Variants in CPB2 observed in about 807,000 individuals in gnomAD.
CPB2 encodes the protein carboxypeptidase B2, also known as carboxypeptidase B-like protein.
CPB2 carries 54 observed loss-of-function variants against 57.0 expected under a neutral mutation model. The observed-to-expected ratio is 0.95, with a 90% CI of 0.76 to 1.19. The LOEUF is 1.19. Ranked by LOEUF, CPB2 falls within the 50% of genes most tolerant of loss-of-function variation. The probability of loss-of-function intolerance (pLI) is 0.00; values close to 1 mark genes in which losing one functional copy is unlikely to be tolerated. For missense variants in CPB2, 426 were observed against 512.0 expected (o/e 0.83, Z 1.62); for synonymous variants, 189 against 178.1 (o/e 1.06, Z -0.49).
intron 6 of CPB2, among the ~76,000 whole-genome samples, chr13:46,072,894 G>A (rs1380805566): frequency 3.3e-5 from 5 of 152,142 alleles, no homozygotes; most frequent in Admixed American, 1.3e-4. Context: ...GATGTGACTG[G>A]GATATGTTAA....
intron 2 of CPB2, among the ~76,000 whole-genome samples, chr13:46,084,841 TA>T (rs1182596717): frequency 2.6e-5 from 4 of 151,186 alleles, no homozygotes; most frequent in African/African-American, 7.3e-5. Context: ...TTTATTTATT[TA>T]TTTATTTTTT....
chr13:46,074,930 A>G (rs1393646885), intron 5 of CPB2, among the ~76,000 whole-genome samples: 3 of 152,222 alleles, frequency 2.0e-5, no homozygotes, highest in African/African-American at 7.2e-5. Flanking sequence ...CTGATCTGAC[A>G]GGAAGCATTG....
chr13:46,070,513 G>A (rs1327840793), intron 6 of CPB2, among the ~76,000 whole-genome samples: 2 of 151,902 alleles, frequency 1.3e-5, no homozygotes, highest in African/African-American at 4.8e-5. Context: ...CTTTGCCTGG[G>A]GTGCACTCAA....
chr13:46,103,374 T>G (rs1239753887), intron 1 of CPB2, among the ~76,000 whole-genome samples: 2 of 152,238 alleles, frequency 1.3e-5, no homozygotes, highest in African/African-American at 4.8e-5. Context: ...AACTGCTGCC[T>G]GCAACTCCCT....
rs1166293904 is a variant in CPB2, at chr13:46,073,628, G to A, written c.591+245C>T. The A allele has an allele frequency of 2.4e-5, 4 of 168,632 alleles. No individual in the cohort carries two copies. The East Asian group carries it at 1.0e-3, about 44-fold the overall frequency. The allele number at this position is 168,632 out of a possible 1,614,324, so 10.4% of individuals were successfully genotyped here. A position where few individuals can be genotyped will look rare whatever the true frequency, so the allele number is the denominator to read the frequency against. ...TACTATTTCTTAATCATTTTCCACT[G>A]TTTAGCTCCAGGCAGAAATGTAGAA... On this transcript the variant is annotated intron_variant, in intron 6 of 10. Transcript: ENST00000181383.
chr13:46,062,311 C>T (rs2044786678), intron 8 of CPB2, among the ~76,000 whole-genome samples: 1 of 152,186 alleles, frequency 6.6e-6, no homozygotes, highest in African/African-American at 2.4e-5. Context: ...AGCTCTGCCA[C>T]GTACTTGCAC....
At chr13:46,079,535 C>CAAAAAAAAAAAAAAAAAAAAAAA (rs58164990) in intron 4 of CPB2, among the ~76,000 whole-genome samples, 1 of 111,008 alleles carries the variant, frequency 9.0e-6, no homozygotes, top group Non-Finnish European at 1.8e-5. Flanking sequence ...AAGGAAAAAG[C>CAAAAAAAAAAAAAAAAAAAAAAA]AAAAAAAAAA....
At chr13:46,092,758 A>T (rs1321255980) in intron 1 of CPB2, among the ~76,000 whole-genome samples, 2 of 152,196 alleles carry the variant, frequency 1.3e-5, no homozygotes, top group African/African-American at 4.8e-5. Context: ...AACAGAAATG[A>T]GTGTGGGAAG....
chr13:46,104,797 G>A, intron 1 of CPB2, 139 bp downstream of exon 1: 1 of 887,774 alleles, frequency 1.1e-6, no homozygotes, highest in South Asian at 1.8e-5. Context: ...TATTTGTCAG[G>A]GCAACTTGGA....
intron 2 of CPB2, 143 bp downstream of exon 2, chr13:46,087,602 G>A (rs1176622473): frequency 1.6e-6 from 1 of 621,594 alleles, no homozygotes; most frequent in Non-Finnish European, 2.8e-6. Flanking sequence ...ACAAAATCAT[G>A]TGATTATGAG....
chr13:46,064,686 G>C lies in CPB2; in HGVS notation c.758C>G (p.Thr253Arg), dbSNP rs1398416151. The C allele has an allele frequency of 6.2e-7, 1 of 1,614,116 alleles. No individual in the cohort carries two copies. Among genetic ancestry groups the C allele is most frequent in the East Asian group, 2.2e-5 (1 of 44,870 alleles). ...SFYANNHCIG[T>R]DLNRNFASKH... ...GGAAGCAAAGTTCCTATTCAGGTCT[G>C]TTCCGATGCAATGATTGTTCGCATA... The change falls in exon 8 of 11, where the codon ACA becomes AGA. Residue 253 changes from threonine (T) to arginine (R), a missense_variant. Physicochemically the swap from Thr to Arg is moderately conservative, Grantham distance 71. Coordinates refer to ENST00000181383, the MANE Select transcript of CPB2 (RefSeq NM_001872.5).
chr13:46,090,184 T>C (rs1456199545), intron 1 of CPB2, among the ~76,000 whole-genome samples: 2 of 152,114 alleles, frequency 1.3e-5, no homozygotes, highest in East Asian at 3.9e-4. Flanking sequence ...CCTCTTGTCT[T>C]GATCCTTTGC....
At chr13:46,073,764 A>G (rs1228739919) in intron 6 of CPB2, 109 bp downstream of exon 6, 1 of 643,332 alleles carries the variant, frequency 1.6e-6, no homozygotes, top group East Asian at 3.0e-5. Context: ...CCCAAGCTTC[A>G]TGATGTGACC....
chr13:46,104,119 T>A (rs1244469347), intron 1 of CPB2, among the ~76,000 whole-genome samples: 1 of 152,226 alleles, frequency 6.6e-6, no homozygotes, highest in East Asian at 1.9e-4. Flanking sequence ...GGTGGTAGAA[T>A]GTTCCTTGTC....
In CPB2 at chr13:46,053,429, A is replaced by G. The variant is rs1030151418; in HGVS notation, c.*185T>C. 3.7e-6 allele frequency: 3 copies of G among 812,740 alleles called. No individual in the cohort carries two copies. In the African/African-American group the frequency reaches 5.2e-5, roughly 14 times the overall value. The allele number at this position is 812,740 out of a possible 1,614,324, so 50.3% of individuals were successfully genotyped here. A position where few individuals can be genotyped will look rare whatever the true frequency, so the allele number is the denominator to read the frequency against. ...TTACAATTTTTTTTAAAGGGTAAAAAGACATGAACCCTAGTCTGCCTTAAT... is the reference window on the plus strand; with the variant it reads ...TTACAATTTTTTTTAAAGGGTAAAAGGACATGAACCCTAGTCTGCCTTAAT... On this transcript the variant is annotated 3_prime_UTR_variant, in exon 11 of 11. Coordinates refer to ENST00000181383, the MANE Select transcript of CPB2 (RefSeq NM_001872.5).
At chr13:46,073,819 G>T in intron 6 of CPB2, 54 bp downstream of exon 6, 1 of 1,182,052 alleles carries the variant, frequency 8.5e-7, no homozygotes, top group Non-Finnish European at 1.2e-6. Flanking sequence ...GTCTGACACA[G>T]GTGATCTTGG....
intron 9 of CPB2, among the ~76,000 whole-genome samples, chr13:46,057,454 C>A (rs2044712458): frequency 6.6e-6 from 1 of 152,130 alleles, no homozygotes; most frequent in African/African-American, 2.4e-5. Flanking sequence ...AAAAATTAGT[C>A]CCTTCCCAAG....
intron 1 of CPB2, among the ~76,000 whole-genome samples, chr13:46,090,309 T>C (rs9534319): frequency 0.36 from 55,108 of 151,080 alleles, 10,344 homozygotes; most frequent in African/African-American, 0.43. Context: ...GATATACTCA[T>C]GATTCTGAGT....
chr13:46,064,275 G>A (rs998892682), intron 8 of CPB2, among the ~76,000 whole-genome samples: 1 of 151,814 alleles, frequency 6.6e-6, no homozygotes, highest in African/African-American at 2.4e-5. Flanking sequence ...AAAAAGAGAG[G>A]TCCTCCCCCC....
Sources: gnomAD v4.1 joint callset for allele counts (sites outside exome capture counted in the v4.1 genomes callset) on GRCh38, gnomAD v4.1.1 for gene constraint, MANE v1.5 for transcripts, NCBI Gene and HGNC (gene_info 2026-07-23, HGNC 2026-07-21) for gene names.